WDR17: variants seen among roughly 807,000 people sequenced by gnomAD.
WDR17 encodes the protein WD repeat domain 17, also known as WD repeat-containing protein 17.
WDR17 carries 143 observed loss-of-function variants against 161.7 expected under a neutral mutation model. That is an observed-to-expected ratio of 0.88 (90% CI 0.77 to 1.02). The LOEUF (loss-of-function observed/expected upper bound fraction) is 1.02. Ranked by LOEUF, WDR17 falls within the 50% of genes least tolerant of loss-of-function variation. WDR17 has a pLI of 0.00. For synonymous variants in WDR17, 517 were observed against 515.6 expected, an observed-to-expected ratio of 1.00 and a Z score of -0.04; for missense variants, 1,469 against 1,520.9, an observed-to-expected ratio of 0.97 and a Z score of 0.57.
At position 176,139,978 on chromosome 4, in the gene WDR17, A is replaced by G. The variant is rs1254830094; in HGVS notation, c.1442+4A>G. 6.2e-7 allele frequency: 1 copy of G among 1,604,308 alleles called. No homozygotes were observed. Among genetic ancestry groups the G allele is most frequent in the Admixed American group, 1.7e-5 (1 of 59,456 alleles). On this transcript the variant is annotated splice_donor_region_variant and intron_variant, in intron 10 of 28. Coordinates refer to ENST00000508596, the MANE Select transcript of WDR17 (RefSeq NM_181265.4). ...CCTGCAGCAGTGATGGTTTCTGGTA[A>G]GTACTATGTATGATACATGATATGA...
intron 11 of WDR17, among the ~76,000 whole-genome samples, chr4:176,143,805 C>A (rs1273238365): frequency 6.6e-6 from 1 of 152,020 alleles, no homozygotes; most frequent in Non-Finnish European, 1.5e-5. Flanking sequence ...ACAGTTTACA[C>A]CCTTTATCAT....
At chr4:176,126,120 A>G (rs1056485192) in intron 5 of WDR17, among the ~76,000 whole-genome samples, 2 of 152,162 alleles carry the variant, frequency 1.3e-5, no homozygotes, top group African/African-American at 4.8e-5. Flanking sequence ...TCTCCTAACA[A>G]TGTTGCATTG....
chr4:176,084,691 A>G (rs1735194425), intron 1 of WDR17, among the ~76,000 whole-genome samples: 1 of 149,410 alleles, frequency 6.7e-6, no homozygotes, highest in African/African-American at 2.5e-5. Context: ...TTAATACTTT[A>G]CTTTTGTATT....
intron 16 of WDR17, among the ~76,000 whole-genome samples, 199 bp from the exon 17 acceptor site, chr4:176,151,613 C>T (rs1747125284): frequency 6.6e-6 from 1 of 151,972 alleles, no homozygotes; most frequent in South Asian, 2.1e-4. Context: ...GTGATATTTT[C>T]ACACAAGCAT....
chr4:176,073,624 A>G (rs1412845602), intron 1 of WDR17, among the ~76,000 whole-genome samples: 2 of 150,456 alleles, frequency 1.3e-5, no homozygotes, highest in African/African-American at 2.4e-5. Context: ...ATACCCAGTA[A>G]TGGGATGGCT....
At chr4:176,070,355 A>T (rs895310338) in intron 1 of WDR17, among the ~76,000 whole-genome samples, 7 of 152,172 alleles carry the variant, frequency 4.6e-5, no homozygotes, top group Non-Finnish European at 8.8e-5. Context: ...TTACCAACCT[A>T]TCAGATCTGT....
intron 6 of WDR17, among the ~76,000 whole-genome samples, chr4:176,129,955 C>G (rs1743088935): frequency 7.0e-6 from 1 of 142,160 alleles, no homozygotes. Flanking sequence ...ATACCAGATT[C>G]TTTTCTTTCA....
chr4:176,131,412 G>T (rs779894613), intron 6 of WDR17, 142 bp from the exon 7 acceptor site: 6 of 783,268 alleles, frequency 7.7e-6, no homozygotes, highest in Non-Finnish European at 1.1e-5. Context: ...CAATCCCAAA[G>T]AACTGCTTAT....
At chr4:176,161,826 G>A (rs911224301) in intron 20 of WDR17, among the ~76,000 whole-genome samples, 4 of 152,154 alleles carry the variant, frequency 2.6e-5, no homozygotes, top group African/African-American at 9.7e-5. Context: ...GTCCAATGCA[G>A]AATGGTAAGC....
At chr4:176,084,662 T>G (rs1360888669) in intron 1 of WDR17, among the ~76,000 whole-genome samples, 2 of 151,314 alleles carry the variant, frequency 1.3e-5, no homozygotes, top group African/African-American at 4.8e-5. Flanking sequence ...GATGTTATCG[T>G]TAGTTTTCTT....
chr4:176,082,216 G>C (rs996481525), intron 1 of WDR17, among the ~76,000 whole-genome samples: 4 of 151,962 alleles, frequency 2.6e-5, no homozygotes, highest in Non-Finnish European at 5.9e-5. Flanking sequence ...ACATTAATGA[G>C]ATAGAAACAT....
intron 27 of WDR17, 111 bp downstream of exon 27, chr4:176,177,267 T>A: frequency 9.1e-7 from 1 of 1,103,084 alleles, no homozygotes; most frequent in Non-Finnish European, 1.3e-6. Context: ...TGAATCTTGA[T>A]TTGTTTGGCA....
rs192162889 is a variant in WDR17, at chr4:176,181,578, T to C, written c.*1999T>C. Reference sequence around the variant, plus strand: ...CCTGAGATGTATTTTTTTAAACTCTTAGAGATATCTGTAACTCAAATTTTT... The same window carrying C: ...CCTGAGATGTATTTTTTTAAACTCTCAGAGATATCTGTAACTCAAATTTTT... On this transcript the variant is annotated 3_prime_UTR_variant, in exon 29 of 29. Coordinates refer to ENST00000508596, the MANE Select transcript of WDR17 (RefSeq NM_181265.4). The C allele has an allele frequency of 2.3e-3, 417 of 183,152 alleles. 1 individual carries two copies. The highest frequency in any genetic ancestry group is 3.5e-3 in the Non-Finnish European group (310 of 89,770). The allele number at this position is 183,152 out of a possible 1,614,324, so 11.3% of individuals were successfully genotyped here. A position where few individuals can be genotyped will look rare whatever the true frequency, so the allele number is the denominator to read the frequency against.
chr4:176,129,828 A>G (rs1274800809), intron 6 of WDR17, among the ~76,000 whole-genome samples: 1 of 149,856 alleles, frequency 6.7e-6, no homozygotes, highest in East Asian at 1.9e-4. Context: ...TATTAGGACT[A>G]GAGAAGTAAT....
chr4:176,129,615 T>C (rs1319177460), intron 6 of WDR17, among the ~76,000 whole-genome samples: 1 of 152,128 alleles, frequency 6.6e-6, no homozygotes, highest in Admixed American at 6.5e-5. Context: ...TGATGAAAAG[T>C]TTAGAGTGAT....
chr4:176,177,209 AC>A, intron 27 of WDR17, 53 bp downstream of exon 27: 1 of 1,488,982 alleles, frequency 6.7e-7, no homozygotes, highest in African/African-American at 1.4e-5. Flanking sequence ...GATGTTATAG[AC>A]AAACTTGTTG....
chr4:176,118,163 A>G (rs900618533), intron 3 of WDR17, among the ~76,000 whole-genome samples: 13 of 152,206 alleles, frequency 8.5e-5, no homozygotes, highest in Admixed American at 7.2e-4. Context: ...ATCTCAGAAT[A>G]GTGTTGGGAG....
chr4:176,121,860 CTGAGA>C (rs1016932528), intron 4 of WDR17, among the ~76,000 whole-genome samples: 34 of 152,294 alleles, frequency 2.2e-4, no homozygotes, highest in Non-Finnish European at 4.3e-4. Context: ...TTTGAACAGT[CTGAGA>C]TATGTGCCTT....
chr4:176,175,942 G>C (rs919813640), intron 26 of WDR17, among the ~76,000 whole-genome samples: 1 of 152,200 alleles, frequency 6.6e-6, no homozygotes, highest in African/African-American at 2.4e-5. Context: ...TCCCTATTGC[G>C]TAGGTGAAGC....
Sources: gnomAD v4.1 joint callset for allele counts (sites outside exome capture counted in the v4.1 genomes callset) on GRCh38, gnomAD v4.1.1 for gene constraint, MANE v1.5 for transcripts, NCBI Gene and HGNC (gene_info 2026-07-23, HGNC 2026-07-21) for gene names.